SLC1A3: variants seen among roughly 807,000 people sequenced by gnomAD.
The protein encoded by SLC1A3 is excitatory amino acid transporter 1.
A neutral mutation model predicts 48.1 loss-of-function variants in SLC1A3; 21 were observed. The ratio of observed to expected loss-of-function variants is 0.44; its 90% CI spans 0.31 to 0.63. The LOEUF (loss-of-function observed/expected upper bound fraction) is 0.63. Among genes scored for constraint, SLC1A3 ranks in the 20% least tolerant of loss-of-function variants. The pLI is 0.08. For missense variants in SLC1A3, 546 were observed against 689.0 expected (o/e 0.79, Z 2.32); for synonymous variants, 239 against 251.4 (o/e 0.95, Z 0.47).
At chr5:36,625,809 T>C (rs142671877) in intron 2 of SLC1A3, among the ~76,000 whole-genome samples, 47 of 152,324 alleles carry the variant, frequency 3.1e-4, no homozygotes, top group African/African-American at 1.1e-3. Context: ...GTCCTCCTAC[T>C]ATAGAGAAGA....
At chr5:36,654,759 T>C (rs1486332959) in intron 3 of SLC1A3, among the ~76,000 whole-genome samples, 3 of 152,178 alleles carry the variant, frequency 2.0e-5, no homozygotes, top group Non-Finnish European at 4.4e-5. Context: ...TCATTCAGTA[T>C]TGAGGCCCTC....
intron 2 of SLC1A3, among the ~76,000 whole-genome samples, chr5:36,618,925 C>A (rs547622200): frequency 6.6e-6 from 1 of 152,290 alleles, no homozygotes; most frequent in East Asian, 1.9e-4. Context: ...CTTCACATAG[C>A]CTTTTTTGGT....
At chr5:36,636,600 C>CTTT (rs11292001) in intron 3 of SLC1A3, among the ~76,000 whole-genome samples, 1 of 107,772 alleles carries the variant, frequency 9.3e-6, no homozygotes, top group Non-Finnish European at 1.9e-5. Flanking sequence ...TTTCTTCTTT[C>CTTT]TTTTTTTTTT....
chr5:36,626,813 T>G (rs1377697865), intron 2 of SLC1A3, among the ~76,000 whole-genome samples: 1 of 152,256 alleles, frequency 6.6e-6, no homozygotes, highest in Admixed American at 6.5e-5. Flanking sequence ...TACTGCTGTG[T>G]TAAATAATGC....
At chr5:36,637,801 A>T (rs1288646250) in intron 3 of SLC1A3, among the ~76,000 whole-genome samples, 1 of 152,204 alleles carries the variant, frequency 6.6e-6, no homozygotes, top group African/African-American at 2.4e-5. Flanking sequence ...TCTAGAGCTC[A>T]CATTCTGAGA....
upstream of SLC1A3, among the ~76,000 whole-genome samples, chr5:36,601,444 A>C (rs1235371658): frequency 6.6e-6 from 1 of 152,236 alleles, no homozygotes; most frequent in Non-Finnish European, 1.5e-5. Context: ...AAAACAATCT[A>C]GTCTAACCTA....
upstream of SLC1A3, among the ~76,000 whole-genome samples, chr5:36,604,890 CA>C (rs745781952): frequency 0.013 from 994 of 78,356 alleles, 14 homozygotes; most frequent in African/African-American, 0.041. Flanking sequence ...TCATTTCCAC[CA>C]AAAAAAAAAA....
chr5:36,609,409 C>T (rs1739103620), intron 2 of SLC1A3: 1 of 246,510 alleles, frequency 4.1e-6, no homozygotes, highest in Non-Finnish European at 6.5e-6. Context: ...CTTAGATTGA[C>T]AAACATATAC....
intron 3 of SLC1A3, among the ~76,000 whole-genome samples, chr5:36,650,721 A>C (rs569293097): frequency 1.8e-4 from 27 of 152,344 alleles, no homozygotes; most frequent in Admixed American, 4.6e-4. Context: ...TCTATAGCTG[A>C]AATGGCCTTG....
chr5:36,642,523 A>G (rs1053601081), intron 3 of SLC1A3, among the ~76,000 whole-genome samples: 10 of 152,176 alleles, frequency 6.6e-5, no homozygotes, highest in Admixed American at 2.6e-4. Context: ...GGTTTATCTT[A>G]TTTCAAGTTT....
chr5:36,684,213 G>A (rs919785283), intron 9 of SLC1A3, among the ~76,000 whole-genome samples: 1 of 152,242 alleles, frequency 6.6e-6, no homozygotes. Context: ...AGCCTAAGGG[G>A]CACATCTGGC....
intron 3 of SLC1A3, among the ~76,000 whole-genome samples, chr5:36,632,065 TAG>T (rs1382286159): frequency 6.6e-6 from 1 of 152,194 alleles, no homozygotes; most frequent in Non-Finnish European, 1.5e-5. Flanking sequence ...CCTATTTTGA[TAG>T]AGTCATGGAT....
intron 3 of SLC1A3, among the ~76,000 whole-genome samples, chr5:36,634,109 C>T (rs1740241302): frequency 6.6e-6 from 1 of 152,076 alleles, no homozygotes; most frequent in East Asian, 1.9e-4. Flanking sequence ...AACCCCATCT[C>T]TACTAAAAAT....
Position 36,688,330 on chromosome 5 carries a change from A to G in SLC1A3, c.*2061A>G, listed in dbSNP as rs975338097. On this transcript the variant is annotated 3_prime_UTR_variant, in exon 10 of 10. Coordinates refer to ENST00000265113, the MANE Select transcript of SLC1A3 (RefSeq NM_004172.5). ...TCAATAAAGAAAAAAATAGTTTTAC[A>G]TTAACATCTTTGCACGTTGTTGTTA... is the stretch of plus-strand genomic sequence containing the variant. 1 of 152,282 alleles carries G rather than the reference A, an allele frequency of 6.6e-6. No homozygotes were observed. The highest frequency in any genetic ancestry group is 2.4e-5 in the African/African-American group (1 of 41,482). 9.4% of individuals were successfully genotyped at this position (152,282 alleles called of 1,614,324 possible). A position where few individuals can be genotyped will look rare whatever the true frequency, so the allele number is the denominator to read the frequency against.
At chr5:36,619,217 G>T (rs888285330) in intron 2 of SLC1A3, among the ~76,000 whole-genome samples, 1 of 152,202 alleles carries the variant, frequency 6.6e-6, no homozygotes, top group African/African-American at 2.4e-5. Context: ...AGGGTTAAGA[G>T]GTTGCCTCCA....
At chr5:36,613,090 T>C (rs1464945692) in intron 2 of SLC1A3, 2 of 314,702 alleles carry the variant, frequency 6.4e-6, no homozygotes, top group Non-Finnish European at 1.3e-5. Flanking sequence ...GCCTTGGGGG[T>C]GCACGAGGGT....
intron 3 of SLC1A3, chr5:36,668,661 G>C (rs1267566831): frequency 6.6e-6 from 1 of 152,124 alleles, no homozygotes; most frequent in African/African-American, 2.4e-5. Flanking sequence ...TTTGATGATT[G>C]AATCTCCTTC....
intron 3 of SLC1A3, among the ~76,000 whole-genome samples, chr5:36,660,617 G>C (rs756128966): frequency 1.7e-4 from 26 of 152,320 alleles, no homozygotes; most frequent in Non-Finnish European, 3.1e-4. Context: ...CAGAAACAGG[G>C]AAGCCGACCA....
At chr5:36,641,591 A>G (rs1210065891) in intron 3 of SLC1A3, among the ~76,000 whole-genome samples, 2 of 152,216 alleles carry the variant, frequency 1.3e-5, no homozygotes, top group African/African-American at 4.8e-5. Flanking sequence ...TGGAAACATT[A>G]GTAGCTTTTA....
Sources: gnomAD v4.1 joint callset for allele counts (sites outside exome capture counted in the v4.1 genomes callset) on GRCh38, gnomAD v4.1.1 for gene constraint, MANE v1.5 for transcripts, NCBI Gene and HGNC (gene_info 2026-07-23, HGNC 2026-07-21) for gene names.